The following ARID1B variants were observed in gnomAD, a reference collection of about 807,000 sequenced individuals.
The protein encoded by ARID1B is AT-rich interaction domain 1B, also known as AT-rich interactive domain-containing protein 1B.
ARID1B carries 30 observed loss-of-function variants against 212.3 expected under a neutral mutation model. The observed-to-expected ratio is 0.14, with a 90% CI of 0.11 to 0.19. The LOEUF (loss-of-function observed/expected upper bound fraction) is 0.19. Ranked by LOEUF, ARID1B falls within the 10% of genes least tolerant of loss-of-function variation. ARID1B has a pLI of 1.00. For missense variants in ARID1B, 2,891 were observed against 3,204.0 expected (o/e 0.90, Z 2.36); for synonymous variants, 1,402 against 1,301.7 (o/e 1.08, Z -1.66).
intron 18 of ARID1B, among the ~76,000 whole-genome samples, chr6:157,202,272 T>C (rs183156833): frequency 4.3e-4 from 65 of 152,348 alleles, no homozygotes; most frequent in African/African-American, 1.4e-3. Flanking sequence ...TGCATTATTT[T>C]TGAAGTACTT....
intron 7 of ARID1B, among the ~76,000 whole-genome samples, chr6:157,144,261 C>T (rs771262820): frequency 7.9e-5 from 12 of 152,330 alleles, no homozygotes; most frequent in Non-Finnish European, 1.5e-4. Flanking sequence ...CAGAATTCTA[C>T]AAACTCAGAA....
intron 2 of ARID1B, among the ~76,000 whole-genome samples, chr6:156,880,480 G>A (rs1012122913): frequency 2.6e-5 from 4 of 152,194 alleles, no homozygotes; most frequent in Admixed American, 1.3e-4. Context: ...GCTCACGCCT[G>A]TAATCCCAGC....
intron 4 of ARID1B, among the ~76,000 whole-genome samples, chr6:157,044,046 C>T (rs1010630750): frequency 3.3e-5 from 5 of 152,124 alleles, no homozygotes; most frequent in Non-Finnish European, 7.3e-5. Flanking sequence ...ATTCTGGACA[C>T]AACATTTGGA....
chr6:157,174,333 T>C (rs894942925), intron 10 of ARID1B: 8 of 482,458 alleles, frequency 1.7e-5, no homozygotes, highest in South Asian at 5.9e-5. Flanking sequence ...TAACTCACGG[T>C]TGGGGGAGAG....
At chr6:156,809,153 T>G (rs1049538785) in intron 1 of ARID1B, among the ~76,000 whole-genome samples, 4 of 152,324 alleles carry the variant, frequency 2.6e-5, no homozygotes, top group African/African-American at 9.6e-5. Flanking sequence ...AGCAGGCACA[T>G]AAAGGCTCAG....
intron 2 of ARID1B, among the ~76,000 whole-genome samples, chr6:156,837,841 C>T (rs1187119012): frequency 2.6e-5 from 4 of 152,206 alleles, no homozygotes; most frequent in Admixed American, 2.6e-4. Context: ...CAGGCTTCCT[C>T]AGGCCTCGAG....
intron 2 of ARID1B, among the ~76,000 whole-genome samples, chr6:156,836,910 T>A (rs1783551738): frequency 7.1e-6 from 1 of 140,300 alleles, no homozygotes; most frequent in Admixed American, 6.7e-5. Context: ...AGCGATCCAC[T>A]TGCCTTGGCC....
intron 4 of ARID1B, among the ~76,000 whole-genome samples, chr6:157,030,753 T>C (rs1451777170): frequency 6.6e-6 from 1 of 152,220 alleles, no homozygotes; most frequent in Non-Finnish European, 1.5e-5. Context: ...GCCTTGAAAT[T>C]GTGTCTTAGA....
At chr6:156,980,933 G>T (rs1342435650) in intron 4 of ARID1B, among the ~76,000 whole-genome samples, 1 of 152,162 alleles carries the variant, frequency 6.6e-6, no homozygotes, top group African/African-American at 2.4e-5. Flanking sequence ...TCACTTGTTG[G>T]AAGAAACAAT....
intron 3 of ARID1B, among the ~76,000 whole-genome samples, chr6:156,916,729 G>A (rs1261671028): frequency 6.6e-6 from 1 of 151,962 alleles, no homozygotes; most frequent in Non-Finnish European, 1.5e-5. Flanking sequence ...TCTCCTCCTA[G>A]TACCTTTAGA....
chr6:157,127,705 G>A (rs569416325), intron 6 of ARID1B, among the ~76,000 whole-genome samples: 1 of 150,836 alleles, frequency 6.6e-6, no homozygotes, highest in East Asian at 2.0e-4. Flanking sequence ...GAACTCAGGA[G>A]GTGGAAGTTG....
chr6:157,116,595 C>T (rs1787335679), intron 6 of ARID1B, among the ~76,000 whole-genome samples: 1 of 151,224 alleles, frequency 6.6e-6, no homozygotes, highest in African/African-American at 2.4e-5. Context: ...CCCCTAGGAA[C>T]TTCCCCTTTC....
intron 4 of ARID1B, among the ~76,000 whole-genome samples, chr6:156,966,362 C>T (rs1369039411): frequency 6.7e-6 from 1 of 148,354 alleles, no homozygotes; most frequent in Non-Finnish European, 1.5e-5. Context: ...ACAATACAGA[C>T]ATAAATAACT....
At chr6:156,928,097 A>G (rs1378025205) in intron 3 of ARID1B, among the ~76,000 whole-genome samples, 1 of 152,214 alleles carries the variant, frequency 6.6e-6, no homozygotes, top group African/African-American at 2.4e-5. Context: ...GGACCCGAGC[A>G]GCTGAACAGG....
At chr6:156,907,030 T>G (rs1433292458) in intron 3 of ARID1B, among the ~76,000 whole-genome samples, 2 of 152,244 alleles carry the variant, frequency 1.3e-5, no homozygotes, top group Admixed American at 1.3e-4. Context: ...TAGTGATTTG[T>G]GAAGTCTCAG....
chr6:157,112,098 T>G (rs1248172571), intron 6 of ARID1B, among the ~76,000 whole-genome samples: 1 of 152,168 alleles, frequency 6.6e-6, no homozygotes, highest in African/African-American at 2.4e-5. Context: ...CAATGAGCTG[T>G]GATCACACCA....
At chr6:157,091,083 G>A (rs1198637643) in intron 5 of ARID1B, among the ~76,000 whole-genome samples, 3 of 152,186 alleles carry the variant, frequency 2.0e-5, no homozygotes, top group Non-Finnish European at 2.9e-5. Flanking sequence ...GATCACAGGT[G>A]TGACGAGCCT....
intron 4 of ARID1B, among the ~76,000 whole-genome samples, chr6:157,065,929 C>A (rs1216099649): frequency 2.0e-5 from 3 of 152,208 alleles, no homozygotes; most frequent in African/African-American, 7.2e-5. Context: ...AATGAACACA[C>A]TTGTGTAATC....
chr6:157,197,298 C>T (rs975616772), intron 16 of ARID1B, among the ~76,000 whole-genome samples: 1 of 152,260 alleles, frequency 6.6e-6, no homozygotes, highest in Non-Finnish European at 1.5e-5. Flanking sequence ...ACTTCGGGAT[C>T]GCGGCCTTCG....
Sources: gnomAD v4.1 joint callset for allele counts (sites outside exome capture counted in the v4.1 genomes callset) on GRCh38, gnomAD v4.1.1 for gene constraint, MANE v1.5 for transcripts, NCBI Gene and HGNC (gene_info 2026-07-23, HGNC 2026-07-21) for gene names.